PCSK2: variants seen among roughly 807,000 people sequenced by gnomAD.
PCSK2 encodes the protein neuroendocrine convertase 2.
In PCSK2, 14 loss-of-function variants were observed where a neutral mutation model predicts 69.7. That is an observed-to-expected ratio of 0.20 (90% CI 0.13 to 0.31). PCSK2 has a LOEUF of 0.31. PCSK2 is among the 10% of genes least tolerant of loss of function. The pLI, the probability that PCSK2 is intolerant of heterozygous loss-of-function variation, is 1.00. For synonymous variants in PCSK2, 307 were observed against 320.7 expected (o/e 0.96, Z 0.46); for missense variants, 544 against 842.5 (o/e 0.65, Z 4.39).
At chr20:17,259,615 C>T (rs1222665429) in intron 1 of PCSK2, among the ~76,000 whole-genome samples, 1 of 152,188 alleles carries the variant, frequency 6.6e-6, no homozygotes, top group African/African-American at 2.4e-5. Flanking sequence ...GACAACCTCT[C>T]ATTACTGTGA....
chr20:17,427,037 A>T (rs2032262642), intron 6 of PCSK2, among the ~76,000 whole-genome samples: 1 of 152,238 alleles, frequency 6.6e-6, no homozygotes, highest in Non-Finnish European at 1.5e-5. Flanking sequence ...CTTTGGAAGC[A>T]GCAGACCTGA....
At chr20:17,383,163 T>C (rs1359372231) in intron 5 of PCSK2, among the ~76,000 whole-genome samples, 2 of 152,186 alleles carry the variant, frequency 1.3e-5, no homozygotes, top group South Asian at 4.1e-4. Context: ...GGCTGAGGAT[T>C]GAACACTTGG....
chr20:17,431,146 A>C (rs1368764752), intron 7 of PCSK2, among the ~76,000 whole-genome samples: 1 of 152,146 alleles, frequency 6.6e-6, no homozygotes, highest in Non-Finnish European at 1.5e-5. Flanking sequence ...GTTGGGGAAG[A>C]AGACAGGAAA....
chr20:17,406,696 A>G (rs2031759190), intron 5 of PCSK2, among the ~76,000 whole-genome samples: 1 of 152,218 alleles, frequency 6.6e-6, no homozygotes, highest in Non-Finnish European at 1.5e-5. Flanking sequence ...AGCCCAAAAG[A>G]TAAGCCCAAG....
At chr20:17,346,319 GT>G (rs968324210) in intron 2 of PCSK2, among the ~76,000 whole-genome samples, 1 of 152,170 alleles carries the variant, frequency 6.6e-6, no homozygotes, top group Non-Finnish European at 1.5e-5. Context: ...CCAGGGAGGT[GT>G]AGTGCTGAGT....
At chr20:17,461,809 C>T (rs139180950) in intron 10 of PCSK2, among the ~76,000 whole-genome samples, 1 of 152,252 alleles carries the variant, frequency 6.6e-6, no homozygotes, top group East Asian at 1.9e-4. Flanking sequence ...AGTCAGGTTC[C>T]TACAAAGGAT....
intron 5 of PCSK2, among the ~76,000 whole-genome samples, chr20:17,371,986 C>G (rs1436773960): frequency 6.6e-6 from 1 of 152,170 alleles, no homozygotes; most frequent in Non-Finnish European, 1.5e-5. Context: ...AGTATGTTTT[C>G]AAATATTTCA....
chr20:17,268,033 G>GTATGTATATA (rs1433692727), intron 2 of PCSK2, among the ~76,000 whole-genome samples: 2 of 66,340 alleles, frequency 3.0e-5, no homozygotes, highest in Admixed American at 1.8e-4. Context: ...TATCCAATGT[G>GTATGTATATA]TATATATATA....
intron 2 of PCSK2, among the ~76,000 whole-genome samples, chr20:17,326,876 A>G (rs1990070085): frequency 6.6e-6 from 1 of 152,170 alleles, no homozygotes; most frequent in Non-Finnish European, 1.5e-5. Context: ...AGAATCTTCA[A>G]TCCGGGGGAG....
chr20:17,251,176 C>G (rs1052553596), intron 1 of PCSK2, among the ~76,000 whole-genome samples: 1 of 152,094 alleles, frequency 6.6e-6, no homozygotes, highest in Non-Finnish European at 1.5e-5. Context: ...TTCATACTAC[C>G]TGATAGTGTT....
At chr20:17,275,705 T>C (rs1302777905) in intron 2 of PCSK2, among the ~76,000 whole-genome samples, 2 of 152,148 alleles carry the variant, frequency 1.3e-5, no homozygotes, top group East Asian at 3.9e-4. Flanking sequence ...CTTTGAAGTA[T>C]AAGGAAACGT....
intron 2 of PCSK2, among the ~76,000 whole-genome samples, chr20:17,337,980 T>C (rs948701160): frequency 5.4e-5 from 8 of 148,380 alleles, no homozygotes; most frequent in Non-Finnish European, 6.0e-5. Context: ...AAGGTCTAAA[T>C]GTCCCCTTTC....
intron 11 of PCSK2, among the ~76,000 whole-genome samples, chr20:17,476,783 C>A (rs1451929425): frequency 6.6e-6 from 1 of 152,248 alleles, no homozygotes; most frequent in South Asian, 2.1e-4. Context: ...ATCACCTTAC[C>A]TGTTTTGTTT....
intron 2 of PCSK2, among the ~76,000 whole-genome samples, chr20:17,302,414 C>G (rs886594387): frequency 5.3e-5 from 8 of 152,126 alleles, no homozygotes; most frequent in Admixed American, 4.6e-4. Context: ...CTGTTGTTTA[C>G]TATTGCTTCT....
chr20:17,366,460 C>T (rs1395225257), intron 4 of PCSK2, among the ~76,000 whole-genome samples: 2 of 152,102 alleles, frequency 1.3e-5, no homozygotes, highest in Non-Finnish European at 2.9e-5. Context: ...AAATCACCTG[C>T]GGTTTTCCAG....
intron 1 of PCSK2, among the ~76,000 whole-genome samples, chr20:17,249,963 C>A (rs1986913529): frequency 6.6e-6 from 1 of 152,052 alleles, no homozygotes; most frequent in African/African-American, 2.4e-5. Flanking sequence ...CTGAACTATT[C>A]ACTTAAAAAT....
At chr20:17,414,848 A>G (rs2123313237) in intron 6 of PCSK2, among the ~76,000 whole-genome samples, 1 of 152,206 alleles carries the variant, frequency 6.6e-6, no homozygotes, top group East Asian at 1.9e-4. Context: ...CGATCAAGTC[A>G]GCTTCATCCC....
At chr20:17,424,036 C>A (rs2074724480) in intron 6 of PCSK2, among the ~76,000 whole-genome samples, 1 of 152,142 alleles carries the variant, frequency 6.6e-6, no homozygotes, top group Non-Finnish European at 1.5e-5. Flanking sequence ...TGTTTTAAAT[C>A]CTACAAGAAG....
At chr20:17,464,971 G>T (rs370658470) in intron 10 of PCSK2, 1 of 308,180 alleles carries the variant, frequency 3.2e-6, no homozygotes, top group Admixed American at 4.2e-5. Flanking sequence ...TTCCAGTTTA[G>T]TTGGAATTAC....
Sources: allele counts gnomAD v4.1 joint callset (sites outside exome capture counted in the v4.1 genomes callset), GRCh38; gene constraint gnomAD v4.1.1; transcripts MANE v1.5; gene names NCBI Gene and HGNC (gene_info 2026-07-23, HGNC 2026-07-21).